The following CCDC12 variants were observed in gnomAD, a reference collection of about 807,000 sequenced individuals.
CCDC12 encodes the protein coiled-coil domain containing 12.
CCDC12 carries 28 observed loss-of-function variants against 25.7 expected under a neutral mutation model. That is an observed-to-expected ratio of 1.09 (90% confidence interval 0.81 to 1.50). The LOEUF (loss-of-function observed/expected upper bound fraction) is 1.50. Among genes scored for constraint, CCDC12 ranks in the 40% most tolerant of loss-of-function variants. The probability of loss-of-function intolerance (pLI) is 0.00; values close to 1 mark genes in which losing one functional copy is unlikely to be tolerated. For synonymous variants in CCDC12, 75 were observed against 87.7 expected, an observed-to-expected ratio of 0.86 and a Z score of 0.81; for missense variants, 198 against 210.0, an observed-to-expected ratio of 0.94 and a Z score of 0.35.
intron 2 of CCDC12, among the ~76,000 whole-genome samples, chr3:46,930,440 G>C (rs974301763): frequency 2.0e-5 from 3 of 152,158 alleles, no homozygotes; most frequent in African/African-American, 7.2e-5. Context: ...GCTTTTTTGG[G>C]GCTTTCTGCC....
chr3:46,949,317 A>G (rs1440342030), intron 1 of CCDC12, among the ~76,000 whole-genome samples: 1 of 152,200 alleles, frequency 6.6e-6, no homozygotes, highest in Non-Finnish European at 1.5e-5. Context: ...CAGAACCATT[A>G]GTATGCAAAA....
chr3:46,947,115 T>A (rs564382821), intron 1 of CCDC12, among the ~76,000 whole-genome samples: 84 of 152,278 alleles, frequency 5.5e-4, no homozygotes, highest in Middle Eastern at 3.4e-3. Context: ...TGCTATAATG[T>A]CCATGGGAAA....
chr3:46,976,313 C>A, intron 1 of CCDC12: 4 of 1,241,856 alleles, frequency 3.2e-6, no homozygotes, highest in Non-Finnish European at 4.1e-6. Context: ...ACGCCTAACC[C>A]AACAAGCATC....
upstream of CCDC12, chr3:46,976,952 G>C: frequency 2.1e-6 from 1 of 483,024 alleles, no homozygotes; most frequent in Non-Finnish European, 3.2e-6. Flanking sequence ...TGGGTGGGGA[G>C]CCAGCAAAAA....
chr3:46,965,635 G>A (rs1448175541), intron 1 of CCDC12, among the ~76,000 whole-genome samples: 2 of 152,158 alleles, frequency 1.3e-5, no homozygotes, highest in East Asian at 1.9e-4. Context: ...AGCTCCAAGG[G>A]ATGAGGGCAG....
At chr3:46,932,388 G>C (rs1240780516) in intron 2 of CCDC12, among the ~76,000 whole-genome samples, 1 of 152,150 alleles carries the variant, frequency 6.6e-6, no homozygotes, top group African/African-American at 2.4e-5. Context: ...TTTTTCTTTA[G>C]AACACTCAAT....
intron 1 of CCDC12, among the ~76,000 whole-genome samples, chr3:46,973,944 C>A (rs946391234): frequency 1.3e-5 from 2 of 152,180 alleles, no homozygotes; most frequent in African/African-American, 4.8e-5. Flanking sequence ...GCGTTATTCA[C>A]AACAGGCAAA....
intron 2 of CCDC12, among the ~76,000 whole-genome samples, chr3:46,937,594 G>C (rs1387035874): frequency 6.6e-6 from 1 of 152,216 alleles, no homozygotes. Flanking sequence ...AAAGGAGGCT[G>C]TAGCAGGGGC....
rs1239286018 is a variant in CCDC12, at chr3:46,940,782, C to T, written c.164+216G>A. 5 of 585,368 alleles carry T rather than the reference C, an allele frequency of 8.5e-6. No individual in the cohort carries two copies. In the Admixed American group the frequency reaches 8.6e-5, roughly 10 times the overall value. The allele number at this position is 585,368 out of a possible 1,614,324, so 36.3% of individuals were successfully genotyped here. On this transcript the variant is annotated intron_variant, in intron 2 of 6. Coordinates refer to ENST00000683445, the MANE Select transcript of CCDC12 (RefSeq NM_001277074.2). ...AAAGAAAATGCTGGGGGCTGAGTAACAGCCAAATGGAAAATGAGGGAAAGG... is the reference window on the plus strand; with the variant it reads ...AAAGAAAATGCTGGGGGCTGAGTAATAGCCAAATGGAAAATGAGGGAAAGG...
intron 1 of CCDC12, among the ~76,000 whole-genome samples, chr3:46,958,823 T>C (rs1269928387): frequency 6.6e-6 from 1 of 152,180 alleles, no homozygotes; most frequent in East Asian, 1.9e-4. Context: ...GGCCCTTACC[T>C]GAGCTAGGAG....
At chr3:46,971,362 G>C (rs2034797393) in intron 1 of CCDC12, among the ~76,000 whole-genome samples, 1 of 152,176 alleles carries the variant, frequency 6.6e-6, no homozygotes, top group Admixed American at 6.5e-5. Context: ...TCCCCCAGGG[G>C]GTCTTGCATG....
chr3:46,944,009 C>T (rs535748147), intron 1 of CCDC12, among the ~76,000 whole-genome samples: 1 of 152,234 alleles, frequency 6.6e-6, no homozygotes, highest in Non-Finnish European at 1.5e-5. Context: ...GTGACACTGG[C>T]CTGAATCACA....
intron 1 of CCDC12, among the ~76,000 whole-genome samples, chr3:46,968,718 G>A (rs2034712307): frequency 6.6e-6 from 1 of 152,190 alleles, no homozygotes; most frequent in Admixed American, 6.5e-5. Context: ...TTATATGTGT[G>A]ATGGGTGGAG....
chr3:46,975,209 C>A (rs888015677), intron 1 of CCDC12, among the ~76,000 whole-genome samples: 2 of 150,872 alleles, frequency 1.3e-5, no homozygotes, highest in Non-Finnish European at 2.9e-5. Flanking sequence ...TTTTTTGAGA[C>A]CAGTCTCACT....
chr3:46,976,275 G>C, intron 1 of CCDC12: 1 of 1,085,936 alleles, frequency 9.2e-7, no homozygotes, highest in Middle Eastern at 4.1e-4. Flanking sequence ...TTAAAGACCA[G>C]CTAGGCCATA....
chr3:46,953,429 G>A (rs567395804), intron 1 of CCDC12, among the ~76,000 whole-genome samples: 5 of 152,196 alleles, frequency 3.3e-5, no homozygotes, highest in African/African-American at 4.8e-5. Context: ...GCACTCAACC[G>A]TGGGTAGTAT....
intron 2 of CCDC12, among the ~76,000 whole-genome samples, chr3:46,935,230 G>A (rs893984395): frequency 5.3e-5 from 8 of 152,208 alleles, no homozygotes; most frequent in African/African-American, 1.9e-4. Context: ...TTCCAGCTGT[G>A]TGCAGACCTC....
chr3:46,972,256 G>T (rs2034826825), intron 1 of CCDC12, among the ~76,000 whole-genome samples: 1 of 152,144 alleles, frequency 6.6e-6, no homozygotes, highest in Admixed American at 6.5e-5. Flanking sequence ...ACTGCCTGAG[G>T]CCAGGTGTTT....
chr3:46,976,234 AGTCT>A (rs1208580345), intron 1 of CCDC12: 4 of 836,990 alleles, frequency 4.8e-6, no homozygotes, highest in East Asian at 2.0e-4. Context: ...CGGACTGGGG[AGTCT>A]GTCTGACTCA....
Sources: allele counts gnomAD v4.1 joint callset (sites outside exome capture counted in the v4.1 genomes callset), GRCh38; gene constraint gnomAD v4.1.1; transcripts MANE v1.5; gene names NCBI Gene and HGNC (gene_info 2026-07-23, HGNC 2026-07-21).